DSCAM: variants seen among roughly 807,000 people sequenced by gnomAD.
DSCAM encodes the protein cell adhesion molecule DSCAM.
Under a neutral mutation model 217.7 loss-of-function variants are expected in DSCAM, and 47 were observed. The ratio of observed to expected loss-of-function variants is 0.22; its 90% CI spans 0.17 to 0.28. The LOEUF (loss-of-function observed/expected upper bound fraction) is 0.28, where lower values mean the gene tolerates loss of function less well. Among genes scored for constraint, DSCAM ranks in the 10% least tolerant of loss-of-function variants. The pLI, the probability that DSCAM is intolerant of heterozygous loss-of-function variation, is 1.00. For synonymous variants in DSCAM, 1,056 were observed against 1,015.3 expected (o/e 1.04, Z -0.76); for missense variants, 2,080 against 2,618.3 (o/e 0.79, Z 4.49).
At chr21:40,188,050 GCTCT>G (rs1404474578) in intron 12 of DSCAM, 63 bp from the exon 13 acceptor site, 2 of 1,270,996 alleles carry the variant, frequency 1.6e-6, no homozygotes, top group Non-Finnish European at 2.2e-6. Context: ...GAGCCGTAAA[GCTCT>G]CTCTCTCCAC....
intron 3 of DSCAM, among the ~76,000 whole-genome samples, chr21:40,432,902 C>T (rs2075548054): frequency 6.6e-6 from 1 of 152,152 alleles, no homozygotes. Flanking sequence ...GAGCCTGAAA[C>T]CTACTCTCTT....
intron 1 of DSCAM, among the ~76,000 whole-genome samples, chr21:40,711,398 G>C (rs887527338): frequency 6.6e-6 from 1 of 152,164 alleles, no homozygotes; most frequent in Admixed American, 6.5e-5. Flanking sequence ...AAGGTGATTG[G>C]ACTCATCTTA....
intron 32 of DSCAM, among the ~76,000 whole-genome samples, chr21:40,020,561 G>A (rs2088247517): frequency 6.6e-6 from 1 of 152,024 alleles, no homozygotes; most frequent in South Asian, 2.1e-4. Context: ...AGAGATATGG[G>A]AGGGAAAATC....
chr21:40,178,009 G>T (rs1320798490), intron 15 of DSCAM, among the ~76,000 whole-genome samples: 1 of 152,142 alleles, frequency 6.6e-6, no homozygotes, highest in Non-Finnish European at 1.5e-5. Context: ...TGGTGGGCAG[G>T]AAAAGAAGAG....
chr21:40,100,188 T>C (rs1422254841), intron 20 of DSCAM, among the ~76,000 whole-genome samples: 1 of 152,162 alleles, frequency 6.6e-6, no homozygotes, highest in African/African-American at 2.4e-5. Flanking sequence ...GGATGGTGCA[T>C]AACTCAATCA....
chr21:40,513,260 ATAT>A, intron 3 of DSCAM: 1 of 152,438 alleles, frequency 6.6e-6, no homozygotes, highest in East Asian at 1.9e-4. Context: ...CTCATCTGTA[ATAT>A]GAATGAAGAG....
chr21:40,053,136 G>T (rs1193876783), intron 29 of DSCAM, among the ~76,000 whole-genome samples: 1 of 152,166 alleles, frequency 6.6e-6, no homozygotes, highest in South Asian at 2.1e-4. Flanking sequence ...CCCAAAAAAG[G>T]CTCTGAACAG....
At chr21:40,295,382 T>C (rs1769980352) in intron 10 of DSCAM, among the ~76,000 whole-genome samples, 1 of 152,182 alleles carries the variant, frequency 6.6e-6, no homozygotes, top group South Asian at 2.1e-4. Flanking sequence ...TCTAACATGA[T>C]TCCACTCTTC....
intron 3 of DSCAM, among the ~76,000 whole-genome samples, chr21:40,615,988 T>C (rs1242558913): frequency 6.6e-6 from 1 of 151,424 alleles, no homozygotes; most frequent in East Asian, 2.0e-4. Context: ...TGAAATCAAA[T>C]CAAACACACA....
Position 40,682,833 on chromosome 21 carries a change from G to GA in DSCAM, c.508+9976_508+9977insT, listed in dbSNP as rs1350230673. Among the ~76,000 whole-genome samples, 185 of 89,104 alleles carry GA rather than the reference G, an allele frequency of 2.1e-3. 25 individuals are homozygous for GA. The highest frequency in any genetic ancestry group is 2.7e-3 in the African/African-American group (56 of 20,532). 58.5% of individuals were successfully genotyped at this position (89,104 alleles called of 152,430 possible). ...GGGAAGGGAAGGGAAGGGAAGGGAA[G>GA]GGAAGGGAAGGGAAGGGAAGGGAAG... On this transcript the variant is annotated intron_variant, in intron 3 of 32. Coordinates refer to ENST00000400454, the MANE Select transcript of DSCAM (RefSeq NM_001389.5).
At chr21:40,157,484 T>C (rs1361770086) in intron 16 of DSCAM, among the ~76,000 whole-genome samples, 1 of 152,200 alleles carries the variant, frequency 6.6e-6, no homozygotes, top group African/African-American at 2.4e-5. Context: ...CTGCCCAGTG[T>C]TGGTTAGAGT....
chr21:40,104,734 A>G (rs1381236915), intron 20 of DSCAM, among the ~76,000 whole-genome samples: 6 of 152,186 alleles, frequency 3.9e-5, no homozygotes, highest in African/African-American at 7.2e-5. Flanking sequence ...AGGTTCCACC[A>G]TTGTTACAAA....
chr21:40,559,698 A>T (rs1257819472), intron 3 of DSCAM, among the ~76,000 whole-genome samples: 1 of 152,010 alleles, frequency 6.6e-6, no homozygotes, highest in Non-Finnish European at 1.5e-5. Context: ...TTATTGCAAC[A>T]TCTATTGAAA....
chr21:40,363,855 C>T (rs2123683303), intron 4 of DSCAM, among the ~76,000 whole-genome samples: 1 of 152,226 alleles, frequency 6.6e-6, no homozygotes. Context: ...ACACCATCAA[C>T]AAGTGGGCAA....
In DSCAM at chr21:40,142,626, G is replaced by C. The variant is rs1568964126; in HGVS notation, c.3338C>G (p.Ser1113Cys). The change falls in exon 18 of 33, where the codon TCC becomes TGC. Residue 1113 changes from serine to cysteine, a missense_variant. Physicochemically the swap from Ser to Cys is moderately radical, Grantham distance 112. This residue lies in a region of DSCAM where 1,144 missense variants were observed against 1,421.1 expected (regional missense o/e 0.81). Transcript: ENST00000400454. ...GAGAATTCCATTCAAGGCTTCCTTG[G>C]AAAGTGTGGACCAGGATATTGATAT... ...ESISISWSTL[S>C]KEALNGILQG... 6.2e-7 allele frequency: 1 copy of C among 1,614,166 alleles called. No homozygotes were observed. The highest frequency in any genetic ancestry group is 2.2e-5 in the East Asian group (1 of 44,882).
Position 40,080,132 on chromosome 21 carries a change from C to A in DSCAM, c.4420+20G>T. ...CGGGAAAAGAAAGGATATTAAGAAG[C>A]GATGAGAAGGCATACCTACCTTTTC... On this transcript the variant is annotated intron_variant, in intron 25 of 32. Transcript: ENST00000400454. The A allele has an allele frequency of 6.6e-7, 1 of 1,514,912 alleles. No individual in the cohort carries two copies. The highest frequency in any genetic ancestry group is 9.0e-7 in the Non-Finnish European group (1 of 1,115,004). 93.8% of individuals were successfully genotyped at this position (1,514,912 alleles called of 1,614,324 possible). A position where few individuals can be genotyped will look rare whatever the true frequency, so the allele number is the denominator to read the frequency against.
chr21:40,170,194 G>C (rs2090640945), intron 15 of DSCAM, among the ~76,000 whole-genome samples: 1 of 152,168 alleles, frequency 6.6e-6, no homozygotes, highest in Non-Finnish European at 1.5e-5. Flanking sequence ...CCCTCCATCA[G>C]GGTTTGCCGC....
chr21:40,285,556 G>C (rs539860161), intron 10 of DSCAM, among the ~76,000 whole-genome samples: 43 of 152,268 alleles, frequency 2.8e-4, no homozygotes, highest in African/African-American at 9.9e-4. Context: ...CAGGTTTTCT[G>C]CTCTGCTAAG....
chr21:40,484,801 C>T (rs2076011281), intron 3 of DSCAM, among the ~76,000 whole-genome samples: 1 of 152,134 alleles, frequency 6.6e-6, no homozygotes, highest in Non-Finnish European at 1.5e-5. Flanking sequence ...AGGATGAGGA[C>T]AATTGCCACA....
Sources: gnomAD v4.1 joint callset for allele counts (sites outside exome capture counted in the v4.1 genomes callset) on GRCh38, gnomAD v4.1.1 for gene constraint, gnomAD v4.1.1 regional missense constraint, MANE v1.5 for transcripts, NCBI Gene and HGNC (gene_info 2026-07-23, HGNC 2026-07-21) for gene names.